BPGM: variants seen among roughly 807,000 people sequenced by gnomAD.
BPGM encodes bisphosphoglycerate mutase.
In BPGM, 15 loss-of-function variants were observed where a neutral mutation model predicts 21.6. That is an observed-to-expected ratio of 0.70 (90% CI 0.47 to 1.07). BPGM has a LOEUF of 1.07. BPGM is among the 50% of genes least tolerant of loss of function. The pLI, the probability that BPGM is intolerant of heterozygous loss-of-function variation, is 0.00. For missense variants in BPGM, 273 were observed against 319.0 expected (o/e 0.86, Z 1.10); for synonymous variants, 113 against 116.2 (o/e 0.97, Z 0.18).
chr7:134,662,294 G>A (rs376499349), intron 2 of BPGM, among the ~76,000 whole-genome samples, 186 bp downstream of exon 2: 5 of 152,310 alleles, frequency 3.3e-5, no homozygotes, highest in South Asian at 2.1e-4. Flanking sequence ...CCTGTTACCC[G>A]AAGCAGCAGT....
chr7:134,657,461 G>T (rs998860647), intron 1 of BPGM, among the ~76,000 whole-genome samples: 1 of 152,182 alleles, frequency 6.6e-6, no homozygotes, highest in Non-Finnish European at 1.5e-5. Flanking sequence ...GAGTTTAATT[G>T]TTAGTTTGCA....
Position 134,646,874 on chromosome 7 carries a change from G to T in BPGM, c.-125G>T. On this transcript the variant is annotated 5_prime_UTR_variant, in exon 1 of 3. Coordinates refer to ENST00000344924, the MANE Select transcript of BPGM (RefSeq NM_001724.5). Reference sequence around the variant, plus strand: ...CAGTGATGAGTCCTAGGAGGCGCTGGCTCTTTGGCGGCTCGGAGGAGCGGC... The same window carrying T: ...CAGTGATGAGTCCTAGGAGGCGCTGTCTCTTTGGCGGCTCGGAGGAGCGGC... 1 of 186,100 alleles carries T rather than the reference G, an allele frequency of 5.4e-6. No homozygotes were observed. The highest frequency in any genetic ancestry group is 1.2e-5 in the Non-Finnish European group (1 of 86,240). The allele number at this position is 186,100 out of a possible 1,614,324, so 11.5% of individuals were successfully genotyped here.
chr7:134,659,254 G>A (rs1795690346), intron 1 of BPGM, among the ~76,000 whole-genome samples: 2 of 152,086 alleles, frequency 1.3e-5, no homozygotes, highest in Non-Finnish European at 2.9e-5. Context: ...GGTTACAAAG[G>A]GTAGATACAG....
At chr7:134,674,421 C>T (rs907449938) in intron 2 of BPGM, among the ~76,000 whole-genome samples, 2 of 152,182 alleles carry the variant, frequency 1.3e-5, no homozygotes, top group African/African-American at 4.8e-5. Context: ...CCTATTCCAC[C>T]CAGCCCTGGG....
chr7:134,650,334 C>G (rs1309442261), intron 1 of BPGM, among the ~76,000 whole-genome samples: 5 of 152,192 alleles, frequency 3.3e-5, no homozygotes. Flanking sequence ...ATGTATATCT[C>G]TTCGCCATGA....
At chr7:134,664,367 T>G (rs963752820) in intron 2 of BPGM, among the ~76,000 whole-genome samples, 4 of 152,194 alleles carry the variant, frequency 2.6e-5, no homozygotes, top group Non-Finnish European at 5.9e-5. Flanking sequence ...CAATCTTTGA[T>G]GTTCTGTGGC....
At chr7:134,673,152 C>T (rs1795932161) in intron 2 of BPGM, among the ~76,000 whole-genome samples, 1 of 151,552 alleles carries the variant, frequency 6.6e-6, no homozygotes, top group Non-Finnish European at 1.5e-5. Context: ...CCAGCCTGGG[C>T]GACAGAGCGA....
At chr7:134,676,650 T>A (rs1795986907) in intron 2 of BPGM, among the ~76,000 whole-genome samples, 1 of 152,180 alleles carries the variant, frequency 6.6e-6, no homozygotes, top group African/African-American at 2.4e-5. Flanking sequence ...ATTTTATAAA[T>A]GAAAAAATAG....
Position 134,661,593 on chromosome 7 carries a change from A to G in BPGM, c.86A>G (p.Lys29Arg), listed in dbSNP as rs981021807. 6.2e-7 allele frequency: 1 copy of G among 1,614,044 alleles called. No homozygotes were observed. The highest frequency in any genetic ancestry group is 8.5e-7 in the Non-Finnish European group (1 of 1,180,036). Residue 29 changes from lysine (K) to arginine (R), a missense_variant, in exon 2 of 3, where the codon AAA (lysine) becomes AGA (arginine). Physicochemically the swap from Lys to Arg is conservative, Grantham distance 26. Coordinates refer to ENST00000344924, the MANE Select transcript of BPGM (RefSeq NM_001724.5). This position sits in a 1 kb window ranked among gnomAD's most constrained non-coding sequence, Gnocchi z 4.6. ...ENRFCSWVDQ[K>R]LNSEGMEEAR... Reference sequence around the variant, plus strand: ...CGTTTTTGTAGCTGGGTGGATCAGAAACTCAACAGCGAAGGAATGGAGGAA... The same window carrying G: ...CGTTTTTGTAGCTGGGTGGATCAGAGACTCAACAGCGAAGGAATGGAGGAA...
chr7:134,661,952 T>C lies in BPGM; in HGVS notation c.445T>C (p.Leu149=). 1.2e-6 allele frequency: 2 copies of C among 1,614,154 alleles called. No homozygotes were observed. The highest frequency in any genetic ancestry group is 1.7e-6 in the Non-Finnish European group (2 of 1,180,018). Residue 149 remains leucine (L), a synonymous_variant, in exon 2 of 3, where the codon TTG becomes CTG. Coordinates refer to ENST00000344924, the MANE Select transcript of BPGM (RefSeq NM_001724.5). The surrounding 1 kb of genome is among the most constrained non-coding windows in gnomAD (Gnocchi z 4.6). The stretch of plus-strand genomic sequence containing the variant: ...GAGGTATAAAGTATGCGATGTGCCC[T>C]TGGATCAACTGCCACGGTCGGAAAG... ...DRRYKVCDVP[L]DQLPRSESLK...
At chr7:134,669,996 C>T (rs1305876153) in intron 2 of BPGM, among the ~76,000 whole-genome samples, 1 of 152,078 alleles carries the variant, frequency 6.6e-6, no homozygotes, top group African/African-American at 2.4e-5. Context: ...TCCAGACAGG[C>T]GTGTGTTTCA....
intron 1 of BPGM, among the ~76,000 whole-genome samples, chr7:134,656,085 T>G (rs1795632952): frequency 6.6e-6 from 1 of 152,206 alleles, no homozygotes; most frequent in South Asian, 2.1e-4. Context: ...ACCTGAGGAC[T>G]TGCTAGAAAT....
chr7:134,672,782 C>G (rs1444402452), intron 2 of BPGM, among the ~76,000 whole-genome samples: 1 of 152,076 alleles, frequency 6.6e-6, no homozygotes, highest in Admixed American at 6.6e-5. Flanking sequence ...GCCTTAGGAG[C>G]TCTGCCTGCT....
chr7:134,646,897 GGCTGCTGCTGCT>G lies in BPGM; in HGVS notation c.-88_-77del, dbSNP rs147174635. ...TGGCTCTTTGGCGGCTCGGAGGAGC[GGCTGCTGCTGCT>G]GCTGCTGCTGCTGGTGGCCCCTTTG... On this transcript the variant is annotated 5_prime_UTR_variant, in exon 1 of 3. Transcript: ENST00000344924. The G allele has an allele frequency of 3.2e-5, 6 of 185,932 alleles. No homozygotes were observed. Among genetic ancestry groups the G allele is most frequent in the South Asian group, 7.9e-5 (1 of 12,736 alleles). 11.5% of individuals were successfully genotyped at this position (185,932 alleles called of 1,614,324 possible).
At chr7:134,654,127 T>TAC (rs5887693) in intron 1 of BPGM, among the ~76,000 whole-genome samples, 7,660 of 149,966 alleles carry the variant, frequency 0.051, 296 homozygotes, top group East Asian at 0.2. Flanking sequence ...GAGTTTTAGG[T>TAC]ACACACACAC....
chr7:134,670,288 GA>G (rs1354189836), intron 2 of BPGM, among the ~76,000 whole-genome samples: 2 of 152,200 alleles, frequency 1.3e-5, no homozygotes, highest in Admixed American at 1.3e-4. Context: ...ACTCAGGGAG[GA>G]AAGGTCAGCT....
At position 134,646,920 on chromosome 7, in the gene BPGM, C is replaced by G. The variant is rs79065225; in HGVS notation, c.-79C>G. 5.1e-3 allele frequency: 948 copies of G among 187,106 alleles called. 4 individuals are homozygous for G. The highest frequency in any genetic ancestry group is 8.1e-3 in the Admixed American group (140 of 17,254). 11.6% of individuals were successfully genotyped at this position (187,106 alleles called of 1,614,324 possible). A position where few individuals can be genotyped will look rare whatever the true frequency, so the allele number is the denominator to read the frequency against. Reference sequence around the variant, plus strand: ...GCGGCTGCTGCTGCTGCTGCTGCTGCTGGTGGCCCCTTTGCAGGTGAGTGG... The same window carrying G: ...GCGGCTGCTGCTGCTGCTGCTGCTGGTGGTGGCCCCTTTGCAGGTGAGTGG... On this transcript the variant is annotated 5_prime_UTR_variant, in exon 1 of 3. Coordinates refer to ENST00000344924, the MANE Select transcript of BPGM (RefSeq NM_001724.5).
intron 1 of BPGM, among the ~76,000 whole-genome samples, chr7:134,658,880 G>A (rs1452233176): frequency 5.9e-5 from 2 of 34,100 alleles, no homozygotes; most frequent in African/African-American, 3.2e-4. Context: ...GTTCTGGTGT[G>A]TGTGTGTGTG....
Position 134,679,081 on chromosome 7 carries a change from G to T in BPGM, c.*50G>T, listed in dbSNP as rs1217245730. 3.1e-6 allele frequency: 5 copies of T among 1,588,082 alleles called. No homozygotes were observed. The highest frequency in any genetic ancestry group is 1.1e-5 in the South Asian group (1 of 90,262). Reference sequence around the variant, plus strand: ...GAAATGCAAAAGAAGTGGCATAGGAGTGTGTTATGGGTGCTGAACTCTCTC... The same window carrying T: ...GAAATGCAAAAGAAGTGGCATAGGATTGTGTTATGGGTGCTGAACTCTCTC... On this transcript the variant is annotated 3_prime_UTR_variant, in exon 3 of 3. Coordinates refer to ENST00000344924, the MANE Select transcript of BPGM (RefSeq NM_001724.5).
Sources: gnomAD v4.1 joint callset for allele counts (sites outside exome capture counted in the v4.1 genomes callset) on GRCh38, gnomAD v4.1.1 for gene constraint, Gnocchi (gnomAD v3.1) non-coding constraint, MANE v1.5 for transcripts, NCBI Gene and HGNC (gene_info 2026-07-23, HGNC 2026-07-21) for gene names.